PIK3CB: variants seen among roughly 807,000 people sequenced by gnomAD.
PIK3CB encodes the protein phosphatidylinositol 4,5-bisphosphate 3-kinase catalytic subunit beta isoform.
A neutral mutation model predicts 136.8 loss-of-function variants in PIK3CB; 39 were observed. The observed-to-expected ratio is 0.29, with a 90% CI of 0.22 to 0.37. PIK3CB has a LOEUF of 0.37. PIK3CB is among the 10% of genes least tolerant of loss of function. PIK3CB has a pLI of 1.00. For missense variants in PIK3CB, 868 were observed against 1,275.4 expected, an observed-to-expected ratio of 0.68 and a Z score of 4.87; for synonymous variants, 428 against 436.6, an observed-to-expected ratio of 0.98 and a Z score of 0.25.
chr3:138,767,783 G>A (rs2045752810), intron 2 of PIK3CB, among the ~76,000 whole-genome samples: 5 of 152,178 alleles, frequency 3.3e-5, no homozygotes. Flanking sequence ...TTCCACAGCT[G>A]GCACTGGGGG....
intron 1 of PIK3CB, among the ~76,000 whole-genome samples, chr3:138,812,055 T>C (rs1288663679): frequency 1.3e-5 from 2 of 152,098 alleles, no homozygotes; most frequent in East Asian, 3.9e-4. Context: ...CGTACCACTA[T>C]GCTAAAGCCT....
At chr3:138,813,737 C>A (rs1017739021) in intron 1 of PIK3CB, among the ~76,000 whole-genome samples, 30 of 152,052 alleles carry the variant, frequency 2.0e-4, no homozygotes, top group Non-Finnish European at 1.5e-4. Context: ...CTACTCTATA[C>A]CAGGCATTAT....
intron 4 of PIK3CB, among the ~76,000 whole-genome samples, chr3:138,747,367 C>G: frequency 1.3e-5 from 2 of 151,884 alleles, no homozygotes; most frequent in Non-Finnish European, 2.9e-5. Flanking sequence ...TCCCTTTTTA[C>G]TGCAATATGC....
Position 138,704,456 on chromosome 3 carries a change from C to T in PIK3CB, c.1568G>A (p.Ser523Asn), listed in dbSNP as rs370267447. The T allele has an allele frequency of 2.9e-5, 46 of 1,606,386 alleles. No homozygotes were observed. The Middle Eastern group carries it at 9.9e-4, about 35-fold the overall frequency. The stretch of plus-strand genomic sequence containing the variant: ...CTTGATACTTACTGACACATTAGCA[C>T]TATCACTGCTTGCAATCTCAGCTGC... ...EKAAEIASSD[S>N]ANVSSRGGKK... is the part of the protein sequence containing the mutation. Residue 523 changes from serine (S) to asparagine (N), a missense_variant, in exon 12 of 24, where the codon AGT (serine) becomes AAT (asparagine). This residue lies in a region of PIK3CB where 612 missense variants were observed against 801.1 expected (regional missense o/e 0.76). Transcript: ENST00000674063.
At chr3:138,693,659 C>T (rs1020323639) in intron 14 of PIK3CB, among the ~76,000 whole-genome samples, 1 of 151,984 alleles carries the variant, frequency 6.6e-6, no homozygotes, top group Non-Finnish European at 1.5e-5. Context: ...CTCAGCCTCC[C>T]AAAGTGCAGG....
At chr3:138,732,879 TG>T (rs913830203) in intron 8 of PIK3CB, among the ~76,000 whole-genome samples, 1 of 151,970 alleles carries the variant, frequency 6.6e-6, no homozygotes, top group African/African-American at 2.4e-5. Context: ...TAGTTACCTT[TG>T]TTTTTTTTGA....
intron 2 of PIK3CB, among the ~76,000 whole-genome samples, chr3:138,773,079 T>C (rs1474048733): frequency 6.6e-6 from 1 of 151,948 alleles, no homozygotes; most frequent in Non-Finnish European, 1.5e-5. Flanking sequence ...CAGCTATTTA[T>C]TCTTAATATG....
intron 1 of PIK3CB, among the ~76,000 whole-genome samples, chr3:138,824,700 A>G (rs1021866330): frequency 4.6e-5 from 7 of 151,524 alleles, no homozygotes; most frequent in African/African-American, 1.7e-4. Flanking sequence ...CTTCGGAAAA[A>G]AAAGAAAAGA....
chr3:138,815,080 C>T (rs1933244700), intron 1 of PIK3CB, among the ~76,000 whole-genome samples: 1 of 133,738 alleles, frequency 7.5e-6, no homozygotes, highest in South Asian at 2.3e-4. Flanking sequence ...GCGGAGCTTG[C>T]AGTGAGCCGT....
intron 1 of PIK3CB, among the ~76,000 whole-genome samples, chr3:138,827,433 T>C (rs999963032): frequency 7.1e-4 from 108 of 152,020 alleles, no homozygotes; most frequent in African/African-American, 2.2e-3. Flanking sequence ...GGCAGGAAGA[T>C]GGCTTGAGGC....
intron 19 of PIK3CB, among the ~76,000 whole-genome samples, chr3:138,678,391 A>T (rs2043693869): frequency 6.6e-6 from 1 of 152,170 alleles, no homozygotes; most frequent in African/African-American, 2.4e-5. Flanking sequence ...ATAAGTAAGA[A>T]TTTAAAAAGT....
At chr3:138,731,073 A>C (rs756434235) in intron 8 of PIK3CB, among the ~76,000 whole-genome samples, 1 of 152,330 alleles carries the variant, frequency 6.6e-6, no homozygotes, top group East Asian at 1.9e-4. Flanking sequence ...TTTATTAACA[A>C]ACCATTTGAC....
At chr3:138,795,700 C>G (rs2046101869) in intron 2 of PIK3CB, among the ~76,000 whole-genome samples, 1 of 152,056 alleles carries the variant, frequency 6.6e-6, no homozygotes, top group Middle Eastern at 3.2e-3. Context: ...ATATGGTTAC[C>G]CTAACTATAA....
chr3:138,762,536 C>T (rs149289404), intron 2 of PIK3CB, among the ~76,000 whole-genome samples: 1 of 152,174 alleles, frequency 6.6e-6, no homozygotes, highest in East Asian at 1.9e-4. Flanking sequence ...AGGCACTAGT[C>T]CTAAAATTAA....
intron 1 of PIK3CB, among the ~76,000 whole-genome samples, chr3:138,830,257 T>TA (rs1054455181): frequency 6.6e-6 from 1 of 151,880 alleles, no homozygotes; most frequent in African/African-American, 2.4e-5. Context: ...ATTCTATAAA[T>TA]AAAAAAAGGG....
intron 8 of PIK3CB, among the ~76,000 whole-genome samples, chr3:138,732,723 A>G (rs2108637733): frequency 6.6e-6 from 1 of 151,068 alleles, no homozygotes; most frequent in Admixed American, 6.6e-5. Context: ...AAGAAAAGAA[A>G]AAAAAAAAAA....
intron 3 of PIK3CB, among the ~76,000 whole-genome samples, chr3:138,757,271 G>T (rs569178826): frequency 1.3e-5 from 2 of 152,114 alleles, no homozygotes; most frequent in East Asian, 3.9e-4. Context: ...GGGCATGGTG[G>T]TGTGCACCTA....
intron 19 of PIK3CB, among the ~76,000 whole-genome samples, chr3:138,670,731 C>G (rs2043516264): frequency 6.6e-6 from 1 of 152,158 alleles, no homozygotes; most frequent in Admixed American, 6.5e-5. Context: ...AAACTAGCTA[C>G]CTATTCAAAG....
intron 10 of PIK3CB, among the ~76,000 whole-genome samples, chr3:138,710,882 A>T (rs1197294280): frequency 6.6e-6 from 1 of 151,824 alleles, no homozygotes; most frequent in African/African-American, 2.4e-5. Context: ...CAGGAGATCG[A>T]GACGATCCTG....
Sources: gnomAD v4.1 joint callset for allele counts (sites outside exome capture counted in the v4.1 genomes callset) on GRCh38, gnomAD v4.1.1 for gene constraint, gnomAD v4.1.1 regional missense constraint, MANE v1.5 for transcripts, NCBI Gene and HGNC (gene_info 2026-07-23, HGNC 2026-07-21) for gene names.